Variants in ASNS observed in about 807,000 individuals in gnomAD.
ASNS encodes asparagine synthetase (glutamine-hydrolyzing), also known as asparagine synthetase [glutamine-hydrolyzing].
A neutral mutation model predicts 62.6 loss-of-function variants in ASNS; 37 were observed. The ratio of observed to expected loss-of-function variants is 0.59; its 90% CI spans 0.45 to 0.78. ASNS has a LOEUF of 0.78. Ranked by LOEUF, ASNS falls within the 30% of genes least tolerant of loss-of-function variation. The pLI is 0.00. For missense variants in ASNS, 520 were observed against 682.4 expected, an observed-to-expected ratio of 0.76 and a Z score of 2.65; for synonymous variants, 207 against 237.9, an observed-to-expected ratio of 0.87 and a Z score of 1.19.
intron 7 of ASNS, among the ~76,000 whole-genome samples, chr7:97,857,748 G>A (rs1418224645): frequency 1.3e-5 from 2 of 151,904 alleles, no homozygotes; most frequent in Non-Finnish European, 2.9e-5. Flanking sequence ...CCAAGTATCT[G>A]GGACTATAGG....
chr7:97,873,648 A>G (rs903282268), upstream of ASNS, among the ~76,000 whole-genome samples: 9 of 152,348 alleles, frequency 5.9e-5, no homozygotes, highest in South Asian at 2.1e-4. Flanking sequence ...TAAGACTCAG[A>G]AAAGTTGAGG....
At chr7:97,856,897 A>C (rs1791466978) in intron 7 of ASNS, 81 bp from the exon 8 acceptor site, 2 of 1,391,000 alleles carry the variant, frequency 1.4e-6, no homozygotes. Context: ...GAGTTCACAA[A>C]GCTTTATGAA....
the ASNS span, among the ~76,000 whole-genome samples, chr7:97,915,554 T>C: frequency 1.3e-5 from 2 of 152,174 alleles, no homozygotes; most frequent in Admixed American, 1.3e-4. Flanking sequence ...AAGCCGTAGC[T>C]GAGCTAGTGT....
intron 12 of ASNS, 45 bp downstream of exon 12, chr7:97,853,015 A>T (rs1380354515): frequency 2.0e-6 from 3 of 1,495,016 alleles, no homozygotes; most frequent in Non-Finnish European, 2.7e-6. Flanking sequence ...ACAGCTCTGC[A>T]TCCAAACTGT....
chr7:97,855,804 AC>A (rs1791409316), intron 8 of ASNS, among the ~76,000 whole-genome samples: 1 of 152,180 alleles, frequency 6.6e-6, no homozygotes, highest in Non-Finnish European at 1.5e-5. Context: ...GTATTATGAC[AC>A]AAAAATAAGA....
Position 97,864,322 on chromosome 7 carries a change from C to T in ASNS, c.424G>A (p.Val142Ile). Residue 142 changes from valine to isoleucine, a missense_variant, in exon 4 of 13, where the codon GTC becomes ATC. Transcript: ENST00000394308. ...GTCATTGCTTTAAACAAAGGTCTGA[C>T]TCCATATGTATCTCTACCCAGGAAC... is the stretch of plus-strand genomic sequence containing the variant. ...KVFLGRDTYGVRPLFKAMTED... is the reference protein window; with the variant it reads ...KVFLGRDTYGIRPLFKAMTED... 6.2e-7 allele frequency: 1 copy of T among 1,613,784 alleles called. No individual in the cohort carries two copies. The highest frequency in any genetic ancestry group is 8.5e-7 in the Non-Finnish European group (1 of 1,179,786).
chr7:97,891,089 AAG>A, the ASNS span, among the ~76,000 whole-genome samples: 1 of 152,254 alleles, frequency 6.6e-6, no homozygotes, highest in Non-Finnish European at 1.5e-5. Context: ...TTACAAAAGA[AAG>A]AGGTTTAATG....
Position 97,852,371 on chromosome 7 carries a change from T to C in ASNS, c.1574A>G (p.His525Arg). The stretch of plus-strand genomic sequence containing the variant: ...CAGCCAGTCAGCCCGGCCTGGGTAA[T>C]GGCGTTCAAAGACTTGACGGTAGTA... The part of the protein sequence containing the change: ...GYYYRQVFER[H>R]YPGRADWLSH... The change falls in exon 13 of 13, where the codon CAT becomes CGT. Residue 525 changes from histidine (H) to arginine (R), a missense_variant. His to Arg is a conservative substitution (Grantham distance 29, BLOSUM62 0). Transcript: ENST00000394308. 1.9e-6 allele frequency: 3 copies of C among 1,614,176 alleles called. No individual in the cohort carries two copies. The highest frequency in any genetic ancestry group is 3.3e-4 in the Middle Eastern group (2 of 6,060).
At chr7:97,865,163 T>C (rs1230963885) in intron 3 of ASNS, among the ~76,000 whole-genome samples, 3 of 152,192 alleles carry the variant, frequency 2.0e-5, no homozygotes, top group African/African-American at 7.2e-5. Flanking sequence ...TGAGCAATCA[T>C]TTTCATATGC....
At chr7:97,902,679 C>T in the ASNS span, among the ~76,000 whole-genome samples, 6 of 152,296 alleles carry the variant, frequency 3.9e-5, no homozygotes, top group Admixed American at 6.5e-5. Flanking sequence ...CATGATGGTG[C>T]CACTGTGCTC....
chr7:97,883,214 C>CA, the ASNS span, among the ~76,000 whole-genome samples: 5,495 of 145,562 alleles, frequency 0.038, 127 homozygotes, highest in African/African-American at 0.053. Flanking sequence ...TAAATTAGGG[C>CA]AAAAAAAAAA....
chr7:97,908,871 C>G, the ASNS span: 3 of 152,174 alleles, frequency 2.0e-5, no homozygotes, highest in Non-Finnish European at 2.9e-5. Flanking sequence ...GATTCTGACT[C>G]TCATTCTAAA....
chr7:97,909,520 G>T, the ASNS span, among the ~76,000 whole-genome samples: 67 of 151,836 alleles, frequency 4.4e-4, no homozygotes, highest in Non-Finnish European at 7.5e-4. Flanking sequence ...TGTCGTGCAG[G>T]CTTGTCTCAA....
chr7:97,881,778 G>A, the ASNS span, among the ~76,000 whole-genome samples: 1 of 152,260 alleles, frequency 6.6e-6, no homozygotes, highest in South Asian at 2.1e-4. Flanking sequence ...AAGGCAGCCA[G>A]GGGCAGGAGG....
At position 97,855,119 on chromosome 7, in the gene ASNS, G is replaced by C. The variant is rs998659454; in HGVS notation, c.1137+234C>G. 4 of 453,102 alleles carry C rather than the reference G, an allele frequency of 8.8e-6. No individual in the cohort carries two copies. The East Asian group carries it at 1.1e-4, about 13-fold the overall frequency. The allele number at this position is 453,102 out of a possible 1,614,324, so 28.1% of individuals were successfully genotyped here. A position where few individuals can be genotyped will look rare whatever the true frequency, so the allele number is the denominator to read the frequency against. On this transcript the variant is annotated intron_variant, in intron 9 of 12. Transcript: ENST00000394308. The stretch of plus-strand genomic sequence containing the variant: ...CAGCCTCCTCAGCAGCTGGGGGTAT[G>C]AGCATGAGCCCTCATACCCAGCTGT...
At chr7:97,878,265 C>CG in the ASNS span, among the ~76,000 whole-genome samples, 6 of 152,114 alleles carry the variant, frequency 3.9e-5, no homozygotes, top group Non-Finnish European at 7.4e-5. Flanking sequence ...GCACACGTCT[C>CG]TAACAACCCA....
the ASNS span, chr7:97,906,637 CCTCTT>C: frequency 3.7e-5 from 6 of 162,164 alleles, no homozygotes; most frequent in Non-Finnish European, 5.4e-5. Context: ...CTTGGGTCAT[CCTCTT>C]CTCTAATATA....
the ASNS span, among the ~76,000 whole-genome samples, chr7:97,904,001 T>C: frequency 6.6e-6 from 1 of 152,142 alleles, no homozygotes; most frequent in Non-Finnish European, 1.5e-5. Context: ...GGGTGGTTCA[T>C]GGCTGCACCG....
chr7:97,875,839 A>G (rs1792427412), upstream of ASNS, among the ~76,000 whole-genome samples: 1 of 150,704 alleles, frequency 6.6e-6, no homozygotes, highest in Non-Finnish European at 1.5e-5. Flanking sequence ...AGACATGTGC[A>G]CTTCCAAGCT....
Sources: gnomAD v4.1 joint callset for allele counts (sites outside exome capture counted in the v4.1 genomes callset) on GRCh38, gnomAD v4.1.1 for gene constraint, MANE v1.5 for transcripts, NCBI Gene and HGNC (gene_info 2026-07-23, HGNC 2026-07-21) for gene names.